The following GRK1 variants were observed in gnomAD, a reference collection of about 807,000 sequenced individuals.
The protein encoded by GRK1 is G protein-coupled receptor kinase 1, also known as rhodopsin kinase GRK1.
A neutral mutation model predicts 41.7 loss-of-function variants in GRK1; 28 were observed. That is an observed-to-expected ratio of 0.67 (90% CI 0.50 to 0.92). The LOEUF is 0.92. GRK1 is among the 40% of genes least tolerant of loss of function. GRK1 has a pLI of 0.00. For missense variants in GRK1, 703 were observed against 671.2 expected (o/e 1.05, Z -0.52); for synonymous variants, 327 against 286.7 (o/e 1.14, Z -1.42).
rs1398024707 is a variant in GRK1, at chr13:113,671,225, G to A, written c.828-274G>A. On this transcript the variant is annotated intron_variant, in intron 2 of 6. Coordinates refer to ENST00000335678, the MANE Select transcript of GRK1 (RefSeq NM_002929.3). The surrounding 1 kb of genome is among the most constrained non-coding windows in gnomAD (Gnocchi z 4.1). ...CTGAGACGGTCTGGGCTGTTTCCTA[G>A]CACCTGCGGCCCGCGCTGGAAAGCA... Among the ~76,000 whole-genome samples, 1 of 152,188 alleles carries A rather than the reference G, an allele frequency of 6.6e-6. No homozygotes were observed. Among genetic ancestry groups the A allele is most frequent in the Non-Finnish European group, 1.5e-5 (1 of 68,034 alleles).
chr13:113,664,496 A>G (rs912472006), upstream of GRK1, among the ~76,000 whole-genome samples: 11 of 152,232 alleles, frequency 7.2e-5, no homozygotes, highest in Non-Finnish European at 1.5e-4. The surrounding 1 kb of genome is among the most constrained non-coding windows in gnomAD (Gnocchi z 5.4). Context: ...TTTGAGAGAC[A>G]CGTTCACTCT....
At chr13:113,726,204 T>C (rs1395108755) in intron 4 of GRK1, among the ~76,000 whole-genome samples, 1 of 2,778 alleles carries the variant, frequency 3.6e-4, no homozygotes, top group Non-Finnish European at 5.5e-4. Flanking sequence ...AGGGGCGGGA[T>C]CCAGGGGCGT....
chr13:113,654,598 C>T, the GRK1 span, among the ~76,000 whole-genome samples: 3 of 152,228 alleles, frequency 2.0e-5, no homozygotes, highest in Non-Finnish European at 4.4e-5. Flanking sequence ...ACTAAGGGGC[C>T]GCTTATGCCT....
chr13:113,667,319 CTG>C lies in GRK1; in HGVS notation c.-65_-64del. 7.0e-7 allele frequency: 1 copy of C among 1,428,706 alleles called. No homozygotes were observed. Among genetic ancestry groups the C allele is most frequent in the Non-Finnish European group, 9.3e-7 (1 of 1,069,828 alleles). 88.5% of individuals were successfully genotyped at this position (1,428,706 alleles called of 1,614,324 possible). A position where few individuals can be genotyped will look rare whatever the true frequency, so the allele number is the denominator to read the frequency against. ...AGGGCAGCAGTCAGGCCTGCTCTGT[CTG>C]TGAACGCTCCCGGCTTGGCCTCGGC... On this transcript the variant is annotated 5_prime_UTR_variant, in exon 1 of 7. Coordinates refer to ENST00000335678, the MANE Select transcript of GRK1 (RefSeq NM_002929.3). This position sits in a 1 kb window ranked among gnomAD's most constrained non-coding sequence, Gnocchi z 7.5.
At position 113,667,360 on chromosome 13, in the gene GRK1, C is replaced by T. The variant is rs372442806; in HGVS notation, c.-27C>T. 83 of 1,516,088 alleles carry T rather than the reference C, an allele frequency of 5.5e-5. No individual in the cohort carries two copies. Among genetic ancestry groups the T allele is most frequent in the African/African-American group, 5.4e-4 (39 of 72,482 alleles). 93.9% of individuals were successfully genotyped at this position (1,516,088 alleles called of 1,614,324 possible). On this transcript the variant is annotated 5_prime_UTR_variant, in exon 1 of 7. The change creates a new upstream start codon in the 5' untranslated region. Coordinates refer to ENST00000335678, the MANE Select transcript of GRK1 (RefSeq NM_002929.3). This position sits in a 1 kb window ranked among gnomAD's most constrained non-coding sequence, Gnocchi z 7.5. ...CTTGGCCTCGGCTGATGGGCCCTCA[C>T]GCCTGAAGCGGGCAGGAAGCTCCGG...
At position 113,668,101 on chromosome 13, in the gene GRK1, C is replaced by A; in HGVS notation, c.699+16C>A. The stretch of plus-strand genomic sequence containing the variant: ...GGGCTACCAGGTGAGCAGCGCGACC[C>A]GGCCAGCAGGGATGGGGTGGCAGGG... On this transcript the variant is annotated intron_variant, in intron 1 of 6. Coordinates refer to ENST00000335678, the MANE Select transcript of GRK1 (RefSeq NM_002929.3). 1 of 1,588,768 alleles carries A rather than the reference C, an allele frequency of 6.3e-7. No individual in the cohort carries two copies. The highest frequency in any genetic ancestry group is 2.3e-5 in the East Asian group (1 of 43,526).
chr13:113,736,434 C>T lies in GRK1; in HGVS notation c.*1071C>T, dbSNP rs1244929386. On this transcript the variant is annotated 3_prime_UTR_variant, in exon 7 of 7. Coordinates refer to ENST00000335678, the MANE Select transcript of GRK1 (RefSeq NM_002929.3). ...ACCTTCTCATACAGCTCGGCCCCAC[C>T]CACAATGCACCTGGCATTTCCAACT... The T allele has an allele frequency of 6.6e-6, 1 of 152,350 alleles. No homozygotes were observed. The highest frequency in any genetic ancestry group is 2.4e-5 in the African/African-American group (1 of 41,474). 9.4% of individuals were successfully genotyped at this position (152,350 alleles called of 1,614,324 possible). A position where few individuals can be genotyped will look rare whatever the true frequency, so the allele number is the denominator to read the frequency against.
At position 113,668,078 on chromosome 13, in the gene GRK1, G is replaced by A. The variant is rs1000323290; in HGVS notation, c.692G>A (p.Gly231Asp). ...AAGAAGCGGCTGAAGAAGAGGAAGG[G>A]CTACCAGGTGAGCAGCGCGACCCGG... ...LNKKRLKKRKGYQGAMVEKKI... is the reference protein window; with the variant it reads ...LNKKRLKKRKDYQGAMVEKKI... Residue 231 changes from glycine (G) to aspartate (D), a missense_variant, in exon 1 of 7, where the codon GGC becomes GAC. Coordinates refer to ENST00000335678, the MANE Select transcript of GRK1 (RefSeq NM_002929.3). 1.2e-6 allele frequency: 2 copies of A among 1,604,908 alleles called. No individual in the cohort carries two copies. Among genetic ancestry groups the A allele is most frequent in the African/African-American group, 1.3e-5 (1 of 74,778 alleles).
chr13:113,733,633 GCTCA>G (rs2049958127), intron 6 of GRK1, among the ~76,000 whole-genome samples: 1 of 149,994 alleles, frequency 6.7e-6, no homozygotes, highest in Non-Finnish European at 1.5e-5. Context: ...ATACGTGTGT[GCTCA>G]TGTATGTGTG....
upstream of GRK1, among the ~76,000 whole-genome samples, chr13:113,664,762 G>A (rs772276911): frequency 5.3e-5 from 8 of 152,140 alleles, no homozygotes; most frequent in Non-Finnish European, 1.2e-4. The surrounding 1 kb of genome is among the most constrained non-coding windows in gnomAD (Gnocchi z 5.4). Context: ...GTCTCCGGGC[G>A]ATTCATGTGT....
chr13:113,733,047 C>A lies in GRK1; in HGVS notation c.1358C>A (p.Pro453His). Residue 453 changes from proline (P) to histidine (H), a missense_variant, in exon 6 of 7, where the codon CCC becomes CAC. Physicochemically the swap from Pro to His is moderately conservative, Grantham distance 77. Coordinates refer to ENST00000335678, the MANE Select transcript of GRK1 (RefSeq NM_002929.3). ...DETCDKLRAHPLFKDLNWRQL... is the reference protein window; with the variant it reads ...DETCDKLRAHHLFKDLNWRQL... ...ACCTGCGACAAGCTCCGTGCCCACC[C>A]CCTCTTCAAGGACCTTAACTGGAGG... The A allele has an allele frequency of 6.5e-7, 1 of 1,537,044 alleles. No individual in the cohort carries two copies. Among genetic ancestry groups the A allele is most frequent in the Non-Finnish European group, 8.7e-7 (1 of 1,146,894 alleles).
chr13:113,653,980 G>C, the GRK1 span, among the ~76,000 whole-genome samples: 1 of 152,070 alleles, frequency 6.6e-6, no homozygotes, highest in African/African-American at 2.4e-5. Context: ...GTTTACTGCA[G>C]GTCCTTAGGA....
chr13:113,668,507 C>T (rs543057112), intron 1 of GRK1, among the ~76,000 whole-genome samples: 8 of 152,320 alleles, frequency 5.3e-5, no homozygotes, highest in South Asian at 4.1e-4. Flanking sequence ...TGAGGCAGGA[C>T]GGAGGCAGCC....
intron 4 of GRK1, among the ~76,000 whole-genome samples, chr13:113,727,440 G>A (rs551617833): frequency 5.3e-4 from 81 of 152,208 alleles, no homozygotes; most frequent in South Asian, 8.3e-4. Context: ...CCTGTGGACC[G>A]TGGGCTGTGG....
chr13:113,657,415 C>T, the GRK1 span, among the ~76,000 whole-genome samples: 22 of 152,354 alleles, frequency 1.4e-4, no homozygotes, highest in South Asian at 8.3e-4. Context: ...TAGACGCAGA[C>T]GCTTCCACCA....
At chr13:113,733,407 G>A (rs1385592196) in intron 6 of GRK1, among the ~76,000 whole-genome samples, 1 of 152,272 alleles carries the variant, frequency 6.6e-6, no homozygotes, top group Non-Finnish European at 1.5e-5. Flanking sequence ...GGAGGCCAGT[G>A]GCTCAGGCCG....
intron 4 of GRK1, among the ~76,000 whole-genome samples, chr13:113,729,181 G>A (rs764957263): frequency 3.9e-5 from 6 of 152,172 alleles, no homozygotes; most frequent in Non-Finnish European, 7.4e-5. Flanking sequence ...TTCCAGGCAC[G>A]AACCTAGAGT....
At position 113,732,066 on chromosome 13, in the gene GRK1, G is replaced by A. The variant is rs144717660; in HGVS notation, c.1194+723G>A. Among the ~76,000 whole-genome samples the A allele has an allele frequency of 1.5e-3, 221 of 152,266 alleles. 1 individual carries two copies. The highest frequency in any genetic ancestry group is 2.5e-3 in the Non-Finnish European group (172 of 67,996). On this transcript the variant is annotated intron_variant, in intron 5 of 6. Coordinates refer to ENST00000335678, the MANE Select transcript of GRK1 (RefSeq NM_002929.3). ...GCCAGTCCCTTATTCAAGACAAGTG[G>A]AGAAAAGCTGGCTTTTTCCCTGTGA...
At chr13:113,733,946 G>GTGTGTGTGTGCATACGTGTGTA (rs1566700430) in intron 6 of GRK1, among the ~76,000 whole-genome samples, 7 of 137,336 alleles carry the variant, frequency 5.1e-5, no homozygotes, top group African/African-American at 1.8e-4. Context: ...ACGTGTGTGC[G>GTGTGTGTGTGCATACGTGTGTA]TGTGTGTGCA....
Sources: allele counts gnomAD v4.1 joint callset (sites outside exome capture counted in the v4.1 genomes callset), GRCh38; gene constraint gnomAD v4.1.1; non-coding constraint Gnocchi (gnomAD v3.1); transcripts MANE v1.5; gene names NCBI Gene and HGNC (gene_info 2026-07-23, HGNC 2026-07-21).